LTBP2: variants seen among roughly 807,000 people sequenced by gnomAD.
The protein encoded by LTBP2 is latent transforming growth factor beta binding protein 2.
A neutral mutation model predicts 210.6 loss-of-function variants in LTBP2; 103 were observed. That is an observed-to-expected ratio of 0.49 (90% CI 0.42 to 0.58). The LOEUF (loss-of-function observed/expected upper bound fraction) is 0.58. LTBP2 is among the 20% of genes least tolerant of loss of function. The pLI, the probability that LTBP2 is intolerant of heterozygous loss-of-function variation, is 0.00. For synonymous variants in LTBP2, 1,007 were observed against 1,015.0 expected (o/e 0.99, Z 0.15); for missense variants, 2,313 against 2,494.5 (o/e 0.93, Z 1.55).
intron 2 of LTBP2, among the ~76,000 whole-genome samples, chr14:74,596,120 G>A (rs1327738453): frequency 1.3e-5 from 2 of 152,090 alleles, no homozygotes; most frequent in Non-Finnish European, 2.9e-5. Context: ...AGCTACTTGA[G>A]AGGCTGAGGG....
chr14:74,563,671 T>C (rs1421158011), intron 3 of LTBP2, among the ~76,000 whole-genome samples: 1 of 152,058 alleles, frequency 6.6e-6, no homozygotes, highest in Non-Finnish European at 1.5e-5. Flanking sequence ...GCAAATGATA[T>C]GAAATTCAAA....
intron 4 of LTBP2, among the ~76,000 whole-genome samples, chr14:74,554,575 C>A (rs562181940): frequency 6.6e-6 from 1 of 152,116 alleles, no homozygotes; most frequent in African/African-American, 2.4e-5. Flanking sequence ...GTACATTGTA[C>A]GACTCCATTC....
intron 22 of LTBP2, 89 bp from the exon 23 acceptor site, chr14:74,509,041 C>T (rs2087032638): frequency 6.3e-7 from 1 of 1,592,074 alleles, no homozygotes; most frequent in African/African-American, 1.3e-5. Flanking sequence ...GGACCTGTCA[C>T]CTGCCTGCAG....
At chr14:74,604,265 A>G (rs1275819327) in intron 1 of LTBP2, among the ~76,000 whole-genome samples, 1 of 151,932 alleles carries the variant, frequency 6.6e-6, no homozygotes, top group East Asian at 1.9e-4. Flanking sequence ...CACATAAAAC[A>G]GTCTCAAGGT....
intron 3 of LTBP2, among the ~76,000 whole-genome samples, chr14:74,570,604 T>C (rs1566643955): frequency 6.6e-6 from 1 of 151,634 alleles, no homozygotes; most frequent in Non-Finnish European, 1.5e-5. Context: ...CAACCTATGA[T>C]GTGCCAGGCC....
chr14:74,543,694 C>T (rs2087544016), intron 8 of LTBP2, among the ~76,000 whole-genome samples: 1 of 152,082 alleles, frequency 6.6e-6, no homozygotes, highest in Non-Finnish European at 1.5e-5. Context: ...ATGATAAGTC[C>T]CTCTTCATGG....
At chr14:74,566,044 G>A (rs1280755541) in intron 3 of LTBP2, among the ~76,000 whole-genome samples, 2 of 151,656 alleles carry the variant, frequency 1.3e-5, no homozygotes, top group African/African-American at 4.9e-5. Flanking sequence ...CGCTTTTCAC[G>A]GACACGTGCG....
intron 3 of LTBP2, among the ~76,000 whole-genome samples, chr14:74,584,101 G>A (rs1360562447): frequency 6.6e-6 from 1 of 152,136 alleles, no homozygotes; most frequent in African/African-American, 2.4e-5. Flanking sequence ...CTATGCAGGG[G>A]GGCTGTAGAG....
chr14:74,559,927 C>T (rs1013738015), intron 3 of LTBP2: 3 of 152,184 alleles, frequency 2.0e-5, no homozygotes, highest in East Asian at 1.9e-4. Context: ...GCTCCATCTA[C>T]TATCAGCCTT....
intron 3 of LTBP2, among the ~76,000 whole-genome samples, chr14:74,567,511 C>G (rs1383141489): frequency 2.0e-5 from 3 of 152,086 alleles, no homozygotes; most frequent in African/African-American, 4.8e-5. Flanking sequence ...CCAGGAAATG[C>G]CCCTCATTTT....
At position 74,503,996 on chromosome 14, in the gene LTBP2, G is replaced by A. The variant is rs1421072433; in HGVS notation, c.4512C>T (p.Asn1504=). Reference sequence around the variant, plus strand: ...ACAGGCAGACATAACCAGGCACGGTGTTGAGGCACCGGCCGTTCGGGCAGA... The same window carrying A: ...ACAGGCAGACATAACCAGGCACGGTATTGAGGCACCGGCCGTTCGGGCAGA... ...PGLCPNGRCL[N]TVPGYVCLCN... The change falls in exon 31 of 36, where the codon AAC becomes AAT. Residue 1504 remains asparagine, a synonymous_variant. Coordinates refer to ENST00000261978, the MANE Select transcript of LTBP2 (RefSeq NM_000428.3). 6.2e-7 allele frequency: 1 copy of A among 1,614,150 alleles called. No homozygotes were observed. The highest frequency in any genetic ancestry group is 8.5e-7 in the Non-Finnish European group (1 of 1,180,032).
rs1343693948 is a variant in LTBP2 at position 74,510,111 on chromosome 14, G to A, written c.3131C>T (p.Ser1044Leu). The A allele has an allele frequency of 2.0e-5, 32 of 1,614,112 alleles. No homozygotes were observed. Among genetic ancestry groups the A allele is most frequent in the Non-Finnish European group, 2.5e-5 (30 of 1,180,014 alleles). ...TGTACCTTGGCAGCCCTTCTCATCT[G>A]AGGTGACCTCATAGCCCTGCTCACA... ...CSCEQGYEVT[S>L]DEKGCQDVDE... Residue 1044 changes from serine (S) to leucine (L), a missense_variant, in exon 20 of 36, where the codon TCA (serine) becomes TTA (leucine). Around this residue, in one of 3 missense-constraint regions of LTBP2, gnomAD observed 1,867 missense variants for 1,976.9 expected, o/e 0.94. Coordinates refer to ENST00000261978, the MANE Select transcript of LTBP2 (RefSeq NM_000428.3).
chr14:74,509,126 C>A (rs528510339), intron 22 of LTBP2, 112 bp downstream of exon 22: 1 of 1,579,152 alleles, frequency 6.3e-7, no homozygotes, highest in Non-Finnish European at 8.7e-7. Context: ...TCTTGGGGAG[C>A]GGGATGATGG....
Position 74,555,649 on chromosome 14 carries a change from A to G in LTBP2, c.875T>C (p.Val292Ala). The change falls in exon 4 of 36, where the codon GTG becomes GCG. Residue 292 changes from valine to alanine, a missense_variant. Transcript: ENST00000261978. The part of the protein sequence containing the change: ...LSQTHPSQQH[V>A]GLSRTVRLHP... ...AAGTCGGACAGTGCGGGACAACCCC[A>G]CGTGCTGCTGGGAAGGGTGGGTCTG... The G allele has an allele frequency of 6.3e-7, 1 of 1,582,000 alleles. No homozygotes were observed. The highest frequency in any genetic ancestry group is 8.6e-7 in the Non-Finnish European group (1 of 1,159,804).
rs566314506 is a variant in LTBP2, at chr14:74,547,930, C to T, written c.1789+1933G>A. ...AGGAGAGCCAGGGCTGAGCAGGGCT[C>T]AGCAAGAGACATACTGTGCTCCAGA... On this transcript the variant is annotated intron_variant, in intron 8 of 35. Transcript: ENST00000261978. Among the ~76,000 whole-genome samples the T allele has an allele frequency of 9.2e-5, 14 of 152,272 alleles. 1 individual carries two copies. In the South Asian group the frequency reaches 2.5e-3, roughly 27 times the overall value.
At chr14:74,531,219 C>T (rs2139721829) in intron 10 of LTBP2, among the ~76,000 whole-genome samples, 1 of 152,312 alleles carries the variant, frequency 6.6e-6, no homozygotes, top group Non-Finnish European at 1.5e-5. Flanking sequence ...CGTGCCACCC[C>T]TCCCACTTAC....
chr14:74,538,278 T>C (rs2087448422), intron 8 of LTBP2, among the ~76,000 whole-genome samples: 1 of 152,166 alleles, frequency 6.6e-6, no homozygotes, highest in African/African-American at 2.4e-5. Context: ...AATCTGTATT[T>C]CATATAGTCT....
Position 74,506,181 on chromosome 14 carries a change from C to G in LTBP2, c.4044G>C (p.Glu1348Asp). Residue 1348 changes from glutamate to aspartate, a missense_variant, in exon 28 of 36, where the codon GAG becomes GAC. By Grantham distance (45) the Glu-to-Asp change is conservative. Coordinates refer to ENST00000261978, the MANE Select transcript of LTBP2 (RefSeq NM_000428.3). Reference sequence around the variant, plus strand: ...CACATACCGCCAGCATAAGCTCACACTCGTTCACATCTGCCAGGTGTGAGA... The same window carrying G: ...CACATACCGCCAGCATAAGCTCACAGTCGTTCACATCTGCCAGGTGTGAGA... ...PSGWDCVDVNECELMLAVCGA... is the reference protein window; with the variant it reads ...PSGWDCVDVNDCELMLAVCGA... The G allele has an allele frequency of 6.2e-7, 1 of 1,614,122 alleles. No homozygotes were observed. The highest frequency in any genetic ancestry group is 1.1e-5 in the South Asian group (1 of 91,078).
chr14:74,535,723 C>A (rs1348187581), intron 9 of LTBP2, among the ~76,000 whole-genome samples: 1 of 152,066 alleles, frequency 6.6e-6, no homozygotes, highest in Non-Finnish European at 1.5e-5. Flanking sequence ...AGGTGTCGGC[C>A]CCCTTGGCTT....
Sources: allele counts gnomAD v4.1 joint callset (sites outside exome capture counted in the v4.1 genomes callset), GRCh38; gene constraint gnomAD v4.1.1; regional missense constraint gnomAD v4.1.1; transcripts MANE v1.5; gene names NCBI Gene and HGNC (gene_info 2026-07-23, HGNC 2026-07-21).